The following ARF1 variants were observed in gnomAD, a reference collection of about 807,000 sequenced individuals.
ARF1 encodes ARF GTPase 1.
In ARF1, 1 loss-of-function variant was observed where a neutral mutation model predicts 18.0. The observed-to-expected ratio is 0.06, with a 90% CI of 0.02 to 0.26. The LOEUF (loss-of-function observed/expected upper bound fraction) is 0.26. ARF1 is among the 10% of genes least tolerant of loss of function. The probability of loss-of-function intolerance (pLI) is 1.00; values close to 1 mark genes in which losing one functional copy is unlikely to be tolerated. For missense variants in ARF1, 73 were observed against 247.2 expected (o/e 0.30, Z 4.73); for synonymous variants, 112 against 96.3 (o/e 1.16, Z -0.95).
Position 228,083,761 on chromosome 1 carries a change from C to T in ARF1, c.-38+996C>T, listed in dbSNP as rs555310854. ...TACGGCGTGTGAGATTGGGGCTGGACAGCCGTGCGCACCTAGAGTGTTAAA... is the reference window on the plus strand; with the variant it reads ...TACGGCGTGTGAGATTGGGGCTGGATAGCCGTGCGCACCTAGAGTGTTAAA... On this transcript the variant is annotated intron_variant, in intron 1 of 4. Transcript: ENST00000272102. Among the ~76,000 whole-genome samples, 7 of 152,362 alleles carry T rather than the reference C, an allele frequency of 4.6e-5. No homozygotes were observed. In the South Asian group the frequency reaches 1.2e-3, roughly 27 times the overall value.
At position 228,097,549 on chromosome 1, in the gene ARF1, G is replaced by A. The variant is rs762419898; in HGVS notation, c.260-42G>A. The A allele has an allele frequency of 1.7e-5, 28 of 1,613,770 alleles. No individual in the cohort carries two copies. Among genetic ancestry groups the A allele is most frequent in the East Asian group, 4.5e-5 (2 of 44,880 alleles). On this transcript the variant is annotated intron_variant, in intron 3 of 4. Transcript: ENST00000272102. This position sits in a 1 kb window ranked among gnomAD's most constrained non-coding sequence, Gnocchi z 8.1. ...ATCGATGCCCATAGATGCGGCAGGG[G>A]GGCTGTGTTCCCATGACCATTTGAC...
chr1:228,089,868 T>G lies in ARF1; in HGVS notation c.-38+7103T>G, dbSNP rs2032520933. On this transcript the variant is annotated intron_variant, in intron 1 of 4. Coordinates refer to ENST00000272102, the MANE Select transcript of ARF1 (RefSeq NM_001658.4). The surrounding 1 kb of genome is among the most constrained non-coding windows in gnomAD (Gnocchi z 4.1). ...TGGCAGTAGCTCAGTGCCCAGCATG[T>G]CTGTGGTGAGTGTGTAGTTCAGGAA... Among the ~76,000 whole-genome samples the G allele has an allele frequency of 6.6e-6, 1 of 152,146 alleles. No homozygotes were observed. The highest frequency in any genetic ancestry group is 1.5e-5 in the Non-Finnish European group (1 of 68,026).
intron 1 of ARF1, among the ~76,000 whole-genome samples, chr1:228,083,922 C>G (rs1330800958): frequency 1.3e-5 from 2 of 152,236 alleles, no homozygotes; most frequent in African/African-American, 2.4e-5. Flanking sequence ...GGATGGTCCC[C>G]GAAGTCGCCG....
intron 1 of ARF1, among the ~76,000 whole-genome samples, chr1:228,091,342 A>AG (rs1276361522): frequency 2.0e-5 from 3 of 152,196 alleles, no homozygotes; most frequent in Non-Finnish European, 4.4e-5. Context: ...GATGTGTTAG[A>AG]GGGGACCCTT....
At chr1:228,093,665 G>A (rs997879034) in intron 1 of ARF1, among the ~76,000 whole-genome samples, 1 of 150,822 alleles carries the variant, frequency 6.6e-6, no homozygotes, top group East Asian at 1.9e-4. Flanking sequence ...GCTCACTCCT[G>A]TAATCCCAGC....
chr1:228,092,142 A>T (rs2032595912), intron 1 of ARF1, among the ~76,000 whole-genome samples: 1 of 152,214 alleles, frequency 6.6e-6, no homozygotes, highest in Non-Finnish European at 1.5e-5. Flanking sequence ...TGACTTTAAT[A>T]AAAGCTTTTT....
At chr1:228,096,415 T>G (rs983272283) in intron 1 of ARF1, 1 of 152,276 alleles carries the variant, frequency 6.6e-6, no homozygotes, top group Non-Finnish European at 1.5e-5. Flanking sequence ...CACTGGCCAG[T>G]GAGGCCAAAG....
intron 1 of ARF1, among the ~76,000 whole-genome samples, chr1:228,085,441 C>T (rs2032362892): frequency 6.6e-6 from 1 of 152,228 alleles, no homozygotes; most frequent in African/African-American, 2.4e-5. Context: ...GCTCTTTGTT[C>T]CCAGGAGGCT....
rs376385776 is a variant in ARF1, at chr1:228,089,983, C to G, written c.-37-7095C>G. Among the ~76,000 whole-genome samples, 4 of 152,358 alleles carry G rather than the reference C, an allele frequency of 2.6e-5. No homozygotes were observed. The highest frequency in any genetic ancestry group is 9.6e-5 in the African/African-American group (4 of 41,588). On this transcript the variant is annotated intron_variant, in intron 1 of 4. Transcript: ENST00000272102. This position sits in a 1 kb window ranked among gnomAD's most constrained non-coding sequence, Gnocchi z 4.1. ...GGTAGCATTGTCACATCAGATAGCT[C>G]CGCTACGTGTGCGCTGACCATGCTG... is the stretch of plus-strand genomic sequence containing the variant.
At position 228,098,386 on chromosome 1, in the gene ARF1, T is replaced by C. The variant is rs964243921; in HGVS notation, c.*373T>C. The C allele has an allele frequency of 5.4e-5, 9 of 167,030 alleles. No homozygotes were observed. Among genetic ancestry groups the C allele is most frequent in the Non-Finnish European group, 1.2e-4 (9 of 78,002 alleles). 10.3% of individuals were successfully genotyped at this position (167,030 alleles called of 1,614,324 possible). A position where few individuals can be genotyped will look rare whatever the true frequency, so the allele number is the denominator to read the frequency against. On this transcript the variant is annotated 3_prime_UTR_variant, in exon 5 of 5. Coordinates refer to ENST00000272102, the MANE Select transcript of ARF1 (RefSeq NM_001658.4). The stretch of plus-strand genomic sequence containing the variant: ...CTTTAGAGCTGTGTTGAAATCCATT[T>C]TGGTGGTTGGTTTTTAACCCAAACT...
In ARF1 at chr1:228,097,790, C is replaced by T; in HGVS notation, c.385-62C>T. 2 of 1,587,572 alleles carry T rather than the reference C, an allele frequency of 1.3e-6. No individual in the cohort carries two copies. The highest frequency in any genetic ancestry group is 1.7e-6 in the Non-Finnish European group (2 of 1,164,984). On this transcript the variant is annotated intron_variant, in intron 4 of 4. Coordinates refer to ENST00000272102, the MANE Select transcript of ARF1 (RefSeq NM_001658.4). This position sits in a 1 kb window ranked among gnomAD's most constrained non-coding sequence, Gnocchi z 8.1. ...GCCTGGTGGTAGGGGTTACTGGAGGCTGGTGGGGCCCCTTTCTCTGTCCTG... is the reference window on the plus strand; with the variant it reads ...GCCTGGTGGTAGGGGTTACTGGAGGTTGGTGGGGCCCCTTTCTCTGTCCTG...
chr1:228,098,990 A>C lies in ARF1; in HGVS notation c.*977A>C, dbSNP rs1487314594. On this transcript the variant is annotated 3_prime_UTR_variant, in exon 5 of 5. Transcript: ENST00000272102. ...GGTCCGATTTGCCATCGAAAAAGAC[A>C]ACCTCTACTTTTTTCTTTTGTATTT... is the stretch of plus-strand genomic sequence containing the variant. 6.6e-6 allele frequency: 1 copy of C among 152,602 alleles called. No homozygotes were observed. The highest frequency in any genetic ancestry group is 1.5e-5 in the Non-Finnish European group (1 of 68,032). The allele number at this position is 152,602 out of a possible 1,614,324, so 9.5% of individuals were successfully genotyped here.
At chr1:228,096,695 A>C (rs1027387606) in intron 1 of ARF1, among the ~76,000 whole-genome samples, 1 of 152,180 alleles carries the variant, frequency 6.6e-6, no homozygotes, top group Non-Finnish European at 1.5e-5. Context: ...GAGTGTGGGC[A>C]GGCACAGTGA....
At chr1:228,092,879 G>A (rs559288298) in intron 1 of ARF1, among the ~76,000 whole-genome samples, 1 of 152,356 alleles carries the variant, frequency 6.6e-6, no homozygotes, top group East Asian at 1.9e-4. Flanking sequence ...CCCTGCCCCT[G>A]TTCAGGCACA....
chr1:228,092,637 A>G (rs2032611294), intron 1 of ARF1, among the ~76,000 whole-genome samples: 1 of 152,198 alleles, frequency 6.6e-6, no homozygotes, highest in African/African-American at 2.4e-5. Context: ...ATTCTGTTAC[A>G]TACACCAGCT....
intron 1 of ARF1, among the ~76,000 whole-genome samples, chr1:228,085,878 C>T (rs1046276179): frequency 1.3e-5 from 2 of 152,158 alleles, no homozygotes; most frequent in Admixed American, 1.3e-4. Flanking sequence ...ACATATCTGG[C>T]CTGCCTCCCA....
intron 1 of ARF1, among the ~76,000 whole-genome samples, chr1:228,084,830 A>C (rs1558082695): frequency 6.6e-6 from 1 of 152,232 alleles, no homozygotes; most frequent in Non-Finnish European, 1.5e-5. Flanking sequence ...CAGAGAACTG[A>C]AGCAGTTCTT....
intron 1 of ARF1, among the ~76,000 whole-genome samples, chr1:228,092,900 G>A (rs894461822): frequency 3.3e-5 from 5 of 152,198 alleles, no homozygotes; most frequent in Non-Finnish European, 4.4e-5. Flanking sequence ...GTGAGGTGTC[G>A]GGGAATGTAG....
intron 1 of ARF1, among the ~76,000 whole-genome samples, chr1:228,087,086 C>T (rs2032425815): frequency 6.6e-6 from 1 of 152,168 alleles, no homozygotes. Context: ...TGAAAGCCTT[C>T]TAGGCAGAAT....
Sources: allele counts gnomAD v4.1 joint callset (sites outside exome capture counted in the v4.1 genomes callset), GRCh38; gene constraint gnomAD v4.1.1; non-coding constraint Gnocchi (gnomAD v3.1); transcripts MANE v1.5; gene names NCBI Gene and HGNC (gene_info 2026-07-23, HGNC 2026-07-21).